The following DCUN1D1 variants were observed in gnomAD, a reference collection of about 807,000 sequenced individuals.
The protein encoded by DCUN1D1 is DCN1-like protein 1.
In DCUN1D1, 3 loss-of-function variants were observed where a neutral mutation model predicts 39.0. The observed-to-expected ratio is 0.08, with a 90% CI of 0.04 to 0.20. The LOEUF is 0.20. Ranked by LOEUF, DCUN1D1 falls within the 10% of genes least tolerant of loss-of-function variation. The probability of loss-of-function intolerance (pLI) is 1.00; values close to 1 mark genes in which losing one functional copy is unlikely to be tolerated. For synonymous variants in DCUN1D1, 82 were observed against 96.3 expected, an observed-to-expected ratio of 0.85 and a Z score of 0.87; for missense variants, 158 against 302.4, an observed-to-expected ratio of 0.52 and a Z score of 3.54.
rs189466896 is a variant in DCUN1D1, at chr3:182,951,424, G to A, written c.521-3792C>T. ...AAGTAAAAGTTCAGGTTGTAATCCT[G>A]AACAACATAGTGAGACTTGGTCTCT... On this transcript the variant is annotated intron_variant, in intron 4 of 6. Transcript: ENST00000292782. 2.0e-4 allele frequency among the ~76,000 whole-genome samples: 31 copies of A among 151,788 alleles called. No homozygotes were observed. The South Asian group carries it at 6.4e-3, about 32-fold the overall frequency.
At chr3:182,978,051 A>AAAC (rs1553845948) in intron 1 of DCUN1D1, among the ~76,000 whole-genome samples, 1 of 151,424 alleles carries the variant, frequency 6.6e-6, no homozygotes, top group Non-Finnish European at 1.5e-5. Context: ...AAAAAAAAAA[A>AAAC]AACAACAACA....
At chr3:182,965,979 G>A (rs1377036494) in intron 1 of DCUN1D1, among the ~76,000 whole-genome samples, 4 of 152,080 alleles carry the variant, frequency 2.6e-5, no homozygotes, top group African/African-American at 7.2e-5. Flanking sequence ...GGACAGAAGC[G>A]AAGGAAGCTC....
At chr3:182,959,462 C>T (rs1727261980) in intron 4 of DCUN1D1, among the ~76,000 whole-genome samples, 1 of 147,204 alleles carries the variant, frequency 6.8e-6, no homozygotes, top group Admixed American at 6.8e-5. Context: ...GTGCAGAAGG[C>T]CCCTTATTAG....
At chr3:182,958,802 C>T (rs1727227940) in intron 4 of DCUN1D1, among the ~76,000 whole-genome samples, 1 of 152,018 alleles carries the variant, frequency 6.6e-6, no homozygotes, top group Non-Finnish European at 1.5e-5. Context: ...ATTAATATAT[C>T]CAATAGTTAT....
Position 182,943,930 on chromosome 3 carries a change from T to C in DCUN1D1, c.*1164A>G, listed in dbSNP as rs539419457. 1 of 152,734 alleles carries C rather than the reference T, an allele frequency of 6.5e-6. No individual in the cohort carries two copies. Among genetic ancestry groups the C allele is most frequent in the South Asian group, 2.1e-4 (1 of 4,834 alleles). The allele number at this position is 152,734 out of a possible 1,614,324, so 9.5% of individuals were successfully genotyped here. The stretch of plus-strand genomic sequence containing the variant: ...ATCGTGTATGCTTGTTTGAAAATCT[T>C]TGCTCCTGAAGTAAATATTTGGCAA... On this transcript the variant is annotated 3_prime_UTR_variant, in exon 7 of 7. Coordinates refer to ENST00000292782, the MANE Select transcript of DCUN1D1 (RefSeq NM_020640.4).
In DCUN1D1 at chr3:182,942,076, CTCA is replaced by C. The variant is rs1202073160; in HGVS notation, c.*3015_*3017del. ...AGTAAAGATATTACGTAAAGGATTT[CTCA>C]TGTTATTTTGTTGAGTAAATTTACT... On this transcript the variant is annotated 3_prime_UTR_variant, in exon 7 of 7. Coordinates refer to ENST00000292782, the MANE Select transcript of DCUN1D1 (RefSeq NM_020640.4). The C allele has an allele frequency of 6.6e-6, 1 of 152,032 alleles. No homozygotes were observed. The highest frequency in any genetic ancestry group is 2.4e-5 in the African/African-American group (1 of 41,430). 9.4% of individuals were successfully genotyped at this position (152,032 alleles called of 1,614,324 possible).
At chr3:182,968,724 C>A (rs1474287439) in intron 1 of DCUN1D1, among the ~76,000 whole-genome samples, 1 of 152,012 alleles carries the variant, frequency 6.6e-6, no homozygotes. Flanking sequence ...CTCAGCCTCC[C>A]GAGTAGCTGG....
chr3:182,964,717 T>C (rs1247027058), intron 2 of DCUN1D1, among the ~76,000 whole-genome samples: 3 of 148,034 alleles, frequency 2.0e-5, no homozygotes, highest in African/African-American at 5.0e-5. Context: ...CTTAGCTCAC[T>C]GTAACCTCTG....
intron 4 of DCUN1D1, among the ~76,000 whole-genome samples, chr3:182,954,892 G>A (rs1414142510): frequency 6.6e-6 from 1 of 152,154 alleles, no homozygotes; most frequent in Middle Eastern, 3.4e-3. Flanking sequence ...GTTTAGTTTG[G>A]TATTAGATAA....
chr3:182,957,149 G>T (rs763262467), intron 4 of DCUN1D1, among the ~76,000 whole-genome samples: 12 of 152,322 alleles, frequency 7.9e-5, no homozygotes, highest in Non-Finnish European at 1.6e-4. Context: ...GAAGAACTGT[G>T]TAATAACAAG....
rs200589493 is a variant in DCUN1D1 at position 182,965,698 on chromosome 3, T to C, written c.59A>G (p.Gln20Arg). 8.7e-5 allele frequency: 140 copies of C among 1,613,832 alleles called. No individual in the cohort carries two copies. The highest frequency in any genetic ancestry group is 2.7e-5 in the Non-Finnish European group (32 of 1,179,890). ...DKVRQFMIFTQSSEKTAVSCL... is the reference protein window; with the variant it reads ...DKVRQFMIFTRSSEKTAVSCL... Reference sequence around the variant, plus strand: ...ACTTACTGCTGTTTTTTCACTAGATTGTGTGAAGATCATAAACTGACGAAC... The same window carrying C: ...ACTTACTGCTGTTTTTTCACTAGATCGTGTGAAGATCATAAACTGACGAAC... The change falls in exon 2 of 7, where the codon CAA becomes CGA. Residue 20 changes from glutamine (Q) to arginine (R), a missense_variant. By Grantham distance (43) the Gln-to-Arg change is conservative. Around this residue, in one of 4 missense-constraint regions of DCUN1D1, gnomAD observed 12 missense variants for 53.3 expected, o/e 0.22. Transcript: ENST00000292782.
chr3:182,961,390 C>A, intron 3 of DCUN1D1, 34 bp from the exon 4 acceptor site: 3 of 1,533,608 alleles, frequency 2.0e-6, no homozygotes, highest in Non-Finnish European at 2.6e-6. Context: ...AAAAGATTAA[C>A]TGTTTCACTA....
At chr3:182,961,757 A>G (rs1321867638) in intron 3 of DCUN1D1, among the ~76,000 whole-genome samples, 1 of 152,200 alleles carries the variant, frequency 6.6e-6, no homozygotes, top group Non-Finnish European at 1.5e-5. Context: ...AAATTAACTA[A>G]AAGTATGGTC....
rs530782672 is a variant in DCUN1D1 at position 182,963,935 on chromosome 3, G to A, written c.335C>T (p.Ala112Val). The A allele has an allele frequency of 4.3e-6, 7 of 1,613,774 alleles. No individual in the cohort carries two copies. Among genetic ancestry groups the A allele is most frequent in the Middle Eastern group, 3.3e-4 (2 of 6,084 alleles). The change falls in exon 3 of 7, where the codon GCA (alanine) becomes GTA (valine). Residue 112 changes from alanine to valine, a missense_variant. By Grantham distance (64) the Ala-to-Val change is moderately conservative. Coordinates refer to ENST00000292782, the MANE Select transcript of DCUN1D1 (RefSeq NM_020640.4). ...VLIIAWKFRA[A>V]TQCEFSKQEF... Reference sequence around the variant, plus strand: ...CTGTTTGGAGAACTCGCACTGTGTTGCTGCTCTGAACTTCCACGCAATAAT... The same window carrying A: ...CTGTTTGGAGAACTCGCACTGTGTTACTGCTCTGAACTTCCACGCAATAAT...
chr3:182,973,535 G>A (rs866382135), intron 1 of DCUN1D1, among the ~76,000 whole-genome samples: 3 of 152,284 alleles, frequency 2.0e-5, no homozygotes, highest in African/African-American at 7.2e-5. Context: ...GTGGCCGGGC[G>A]CAGTGGCTCA....
chr3:182,950,990 G>A (rs1172596766), intron 4 of DCUN1D1: 1 of 23,354 alleles, frequency 4.3e-5, no homozygotes, highest in African/African-American at 1.7e-4. Flanking sequence ...TGGGTGACAA[G>A]AACAAAACTC....
At chr3:182,958,288 C>A (rs1727199915) in intron 4 of DCUN1D1, among the ~76,000 whole-genome samples, 2 of 151,020 alleles carry the variant, frequency 1.3e-5, no homozygotes, top group African/African-American at 4.9e-5. Context: ...AATTAATAGA[C>A]TTTTTTAGTT....
rs144588807 is a variant in DCUN1D1 at position 182,961,338 on chromosome 3, T to C, written c.408A>G (p.Lys136=). The part of the protein sequence containing the change: ...MTELGCDSIE[K]LKAQIPKMEQ... Reference sequence around the variant, plus strand: ...CCATCTTGGGTATCTGGGCCTTTAGTTTTTCTATGCTGTCACATCTGCGTC... The same window carrying C: ...CCATCTTGGGTATCTGGGCCTTTAGCTTTTCTATGCTGTCACATCTGCGTC... The change falls in exon 4 of 7, where the codon AAA becomes AAG. Residue 136 remains lysine, a synonymous_variant. Coordinates refer to ENST00000292782, the MANE Select transcript of DCUN1D1 (RefSeq NM_020640.4). 5.9e-3 allele frequency: 9,444 copies of C among 1,600,542 alleles called. 37 individuals are homozygous for C. The highest frequency in any genetic ancestry group is 6.7e-3 in the Non-Finnish European group (7,921 of 1,175,410).
intron 1 of DCUN1D1, chr3:182,980,247 G>A: frequency 3.3e-6 from 1 of 299,996 alleles, no homozygotes; most frequent in South Asian, 1.3e-4. Flanking sequence ...CGGGGCTCCC[G>A]ACTAGGCCCG....
Sources: gnomAD v4.1 joint callset for allele counts (sites outside exome capture counted in the v4.1 genomes callset) on GRCh38, gnomAD v4.1.1 for gene constraint, gnomAD v4.1.1 regional missense constraint, MANE v1.5 for transcripts, NCBI Gene and HGNC (gene_info 2026-07-23, HGNC 2026-07-21) for gene names.